The following UTRN variants were observed in gnomAD, a reference collection of about 807,000 sequenced individuals.
UTRN encodes the protein dystrophin-related protein 1.
A neutral mutation model predicts 463.9 loss-of-function variants in UTRN; 283 were observed. The observed-to-expected ratio is 0.61, with a 90% confidence interval of 0.55 to 0.67. The LOEUF (loss-of-function observed/expected upper bound fraction) is 0.67, where lower values mean the gene tolerates loss of function less well. Among genes scored for constraint, UTRN ranks in the 30% least tolerant of loss-of-function variants. UTRN has a pLI of 0.00. For synonymous variants in UTRN, 1,442 were observed against 1,431.5 expected, an observed-to-expected ratio of 1.01 and a Z score of -0.17; for missense variants, 3,922 against 4,084.3, an observed-to-expected ratio of 0.96 and a Z score of 1.08.
chr6:144,484,391 T>C (rs1240588145), intron 27 of UTRN, among the ~76,000 whole-genome samples: 1 of 151,728 alleles, frequency 6.6e-6, no homozygotes, highest in Non-Finnish European at 1.5e-5. Flanking sequence ...TTTAAAAATT[T>C]ACAATTGGGA....
At chr6:144,665,307 T>C (rs564624306) in intron 51 of UTRN, among the ~76,000 whole-genome samples, 1 of 152,192 alleles carries the variant, frequency 6.6e-6, no homozygotes, top group Non-Finnish European at 1.5e-5. Flanking sequence ...TTTATTATAA[T>C]GTGAGGAAAT....
At chr6:144,717,901 C>G (rs1786685532) in intron 53 of UTRN, among the ~76,000 whole-genome samples, 2 of 152,080 alleles carry the variant, frequency 1.3e-5, no homozygotes, top group Non-Finnish European at 2.9e-5. Context: ...TCCCAAAGTG[C>G]TGGTACTACA....
At chr6:144,762,246 CT>C (rs2128728209) in intron 58 of UTRN, among the ~76,000 whole-genome samples, 1 of 152,292 alleles carries the variant, frequency 6.6e-6, no homozygotes, top group South Asian at 2.1e-4. Context: ...TCTACAGCTC[CT>C]GAACTCCTGA....
chr6:144,310,625 TG>T (rs1246951026), intron 2 of UTRN, among the ~76,000 whole-genome samples: 1 of 97,438 alleles, frequency 1.0e-5, no homozygotes, highest in Non-Finnish European at 2.0e-5. Context: ...CAGGGATCAC[TG>T]GGCGTGGCGG....
At chr6:144,697,271 C>T (rs1784114752) in intron 52 of UTRN, among the ~76,000 whole-genome samples, 3 of 151,962 alleles carry the variant, frequency 2.0e-5, no homozygotes, top group Admixed American at 2.0e-4. Flanking sequence ...ATATGAATGC[C>T]CACAGATATG....
chr6:144,530,369 A>G (rs1373405803), intron 41 of UTRN, among the ~76,000 whole-genome samples: 1 of 152,174 alleles, frequency 6.6e-6, no homozygotes, highest in Non-Finnish European at 1.5e-5. Context: ...TTATGACCTC[A>G]TTTAACCTTA....
intron 52 of UTRN, among the ~76,000 whole-genome samples, chr6:144,686,102 T>C (rs184613733): frequency 6.6e-6 from 1 of 152,260 alleles, no homozygotes; most frequent in East Asian, 1.9e-4. Flanking sequence ...TTCAGTTTCA[T>C]TCTTCCACAT....
chr6:144,532,134 C>CAATAAATAAATA (rs34622000), intron 42 of UTRN, among the ~76,000 whole-genome samples: 7 of 150,984 alleles, frequency 4.6e-5, no homozygotes, highest in Admixed American at 6.6e-5. Context: ...AATACTGTGT[C>CAATAAATAAATA]AATAAATAAA....
At chr6:144,288,112 G>T (rs1803864446) in intron 1 of UTRN, among the ~76,000 whole-genome samples, 1 of 152,210 alleles carries the variant, frequency 6.6e-6, no homozygotes, top group South Asian at 2.1e-4. Context: ...GCCATTAATG[G>T]CAAGTAACCT....
intron 65 of UTRN, among the ~76,000 whole-genome samples, chr6:144,809,502 A>T (rs1778426331): frequency 6.6e-6 from 1 of 152,174 alleles, no homozygotes. Context: ...CGTCAAGATG[A>T]TGGGGAAAGA....
intron 60 of UTRN, among the ~76,000 whole-genome samples, chr6:144,780,580 A>G (rs1247464756): frequency 2.0e-5 from 3 of 152,236 alleles, no homozygotes; most frequent in Non-Finnish European, 4.4e-5. Context: ...AGATAGATAC[A>G]TGGTAGTTTG....
intron 3 of UTRN, among the ~76,000 whole-genome samples, chr6:144,410,804 G>T (rs1584668634): frequency 7.7e-6 from 1 of 129,738 alleles, no homozygotes; most frequent in Non-Finnish European, 1.7e-5. Flanking sequence ...ATATGTGTGT[G>T]TGTGTGTGTG....
chr6:144,808,118 A>T (rs1412701750), intron 65 of UTRN, among the ~76,000 whole-genome samples: 1 of 152,136 alleles, frequency 6.6e-6, no homozygotes, highest in Non-Finnish European at 1.5e-5. Flanking sequence ...TTGCTGGAAT[A>T]TTATGTTTGT....
chr6:144,850,839 G>A lies in UTRN; in HGVS notation c.10294-150G>A. The A allele has an allele frequency of 4.0e-6, 4 of 988,512 alleles. No individual in the cohort carries two copies. In the Admixed American group the frequency reaches 7.0e-5, roughly 17 times the overall value. 61.2% of individuals were successfully genotyped at this position (988,512 alleles called of 1,614,324 possible). On this transcript the variant is annotated intron_variant, in intron 74 of 74. Transcript: ENST00000367545. ...AGCAGACTAGGTAACTTCAGCATGA[G>A]AGGGAGGGACCTCATTGCAGGAAGC... is the stretch of plus-strand genomic sequence containing the variant.
chr6:144,700,189 A>C lies in UTRN; in HGVS notation c.7755A>C (p.Gln2585His). Residue 2585 changes from glutamine (Q) to histidine (H), a missense_variant, in exon 53 of 75, where the codon CAA (glutamine) becomes CAC (histidine). Physicochemically the swap from Gln to His is conservative, Grantham distance 24 (BLOSUM62 0). Coordinates refer to ENST00000367545, the MANE Select transcript of UTRN (RefSeq NM_007124.3). ...LNMKDEELKK[Q>H]MPIGGDVPAL... The stretch of plus-strand genomic sequence containing the variant: ...TGAAAGATGAAGAGCTTAAGAAACA[A>C]ATGCCTATTGGAGGAGATGTTCCAG... 1 of 1,613,726 alleles carries C rather than the reference A, an allele frequency of 6.2e-7. No homozygotes were observed. Among genetic ancestry groups the C allele is most frequent in the East Asian group, 2.2e-5 (1 of 44,866 alleles).
intron 60 of UTRN, among the ~76,000 whole-genome samples, chr6:144,774,694 G>A (rs977919654): frequency 6.6e-6 from 1 of 152,086 alleles, no homozygotes; most frequent in Non-Finnish European, 1.5e-5. Flanking sequence ...AGTACCTTTT[G>A]CCCATTTGGC....
At chr6:144,393,450 C>T (rs1317173074) in intron 2 of UTRN, among the ~76,000 whole-genome samples, 3 of 152,088 alleles carry the variant, frequency 2.0e-5, no homozygotes, top group Admixed American at 2.0e-4. Flanking sequence ...TTGAAATCTT[C>T]TAAAGTATAT....
At chr6:144,704,470 G>C (rs370736973) in intron 53 of UTRN, among the ~76,000 whole-genome samples, 2 of 152,278 alleles carry the variant, frequency 1.3e-5, no homozygotes, top group African/African-American at 4.8e-5. Flanking sequence ...GCTTCCTCTA[G>C]AACATGACAC....
At chr6:144,394,595 A>G (rs1388354531) in intron 2 of UTRN, among the ~76,000 whole-genome samples, 1 of 152,178 alleles carries the variant, frequency 6.6e-6, no homozygotes, top group Non-Finnish European at 1.5e-5. Flanking sequence ...CGGTGTCATG[A>G]TCTTAGAAGA....
Sources: allele counts gnomAD v4.1 joint callset (sites outside exome capture counted in the v4.1 genomes callset), GRCh38; gene constraint gnomAD v4.1.1; transcripts MANE v1.5; gene names NCBI Gene and HGNC (gene_info 2026-07-23, HGNC 2026-07-21).